DGKG: variants seen among roughly 807,000 people sequenced by gnomAD.
The protein encoded by DGKG is diacylglycerol kinase gamma.
In DGKG, 78 loss-of-function variants were observed where a neutral mutation model predicts 105.3. The ratio of observed to expected loss-of-function variants is 0.74; its 90% CI spans 0.62 to 0.89. DGKG has a LOEUF of 0.89. Among genes scored for constraint, DGKG ranks in the 40% least tolerant of loss-of-function variants. The pLI is 0.00. For synonymous variants in DGKG, 346 were observed against 367.1 expected, an observed-to-expected ratio of 0.94 and a Z score of 0.66; for missense variants, 958 against 1,020.1, an observed-to-expected ratio of 0.94 and a Z score of 0.83.
chr3:186,178,682 C>T (rs1018156168), intron 22 of DGKG, among the ~76,000 whole-genome samples: 3 of 152,186 alleles, frequency 2.0e-5, no homozygotes, highest in African/African-American at 7.2e-5. Context: ...GGAGGAGACA[C>T]AGCTGGAGTC....
chr3:186,245,519 T>C (rs6799042), intron 19 of DGKG, among the ~76,000 whole-genome samples: 7,580 of 152,296 alleles, frequency 0.05, 230 homozygotes, highest in African/African-American at 0.08. Context: ...AACCCTTTCT[T>C]GGTTATTAAG....
intron 20 of DGKG, among the ~76,000 whole-genome samples, chr3:186,215,978 C>A (rs1719268864): frequency 6.6e-6 from 1 of 151,332 alleles, no homozygotes; most frequent in South Asian, 2.1e-4. Context: ...ACAAGCAAGA[C>A]CCCTGCCCCA....
chr3:186,287,962 C>G (rs1438456549), intron 6 of DGKG, among the ~76,000 whole-genome samples: 2 of 152,184 alleles, frequency 1.3e-5, no homozygotes, highest in African/African-American at 4.8e-5. Flanking sequence ...TTAACAAGGT[C>G]CTGTCATCTC....
intron 24 of DGKG, chr3:186,160,585 G>A (rs1343915537): frequency 2.0e-6 from 2 of 985,260 alleles, no homozygotes; most frequent in African/African-American, 3.5e-5. Context: ...CAGGTTCATG[G>A]AAACCTTCCT....
chr3:186,321,218 G>A (rs1725060763), intron 1 of DGKG, among the ~76,000 whole-genome samples: 1 of 152,198 alleles, frequency 6.6e-6, no homozygotes, highest in South Asian at 2.1e-4. Context: ...TGGCCTCAAT[G>A]AGGCCGGGAA....
At chr3:186,299,446 G>C (rs1371457510) in intron 3 of DGKG, among the ~76,000 whole-genome samples, 1 of 152,174 alleles carries the variant, frequency 6.6e-6, no homozygotes, top group African/African-American at 2.4e-5. Context: ...ATAAATTTCT[G>C]TTTAGCACCA....
At chr3:186,265,447 G>A (rs1722000643) in intron 13 of DGKG, 141 bp from the exon 14 acceptor site, 1 of 732,300 alleles carries the variant, frequency 1.4e-6, no homozygotes, top group Non-Finnish European at 2.3e-6. Context: ...TTTCAACATA[G>A]GGCTTCTGAC....
chr3:186,212,893 C>T (rs900628123), intron 20 of DGKG, among the ~76,000 whole-genome samples: 7 of 152,148 alleles, frequency 4.6e-5, no homozygotes, highest in Non-Finnish European at 7.3e-5. Flanking sequence ...CCTTGCATGG[C>T]GCTAATCCTC....
intron 16 of DGKG, among the ~76,000 whole-genome samples, chr3:186,260,200 AT>A (rs1721695605): frequency 6.6e-6 from 1 of 152,198 alleles, no homozygotes; most frequent in Non-Finnish European, 1.5e-5. Context: ...CTCTTATAAA[AT>A]AACTTTTTCT....
chr3:186,155,224 G>A (rs141612236), intron 24 of DGKG, among the ~76,000 whole-genome samples: 26 of 152,144 alleles, frequency 1.7e-4, no homozygotes, highest in Non-Finnish European at 3.1e-4. Flanking sequence ...ATGGAGTCTC[G>A]CACTGTCGCC....
chr3:186,290,762 A>G (rs141276441), intron 5 of DGKG, among the ~76,000 whole-genome samples: 135 of 152,328 alleles, frequency 8.9e-4, no homozygotes, highest in African/African-American at 3.0e-3. Flanking sequence ...GTATGCACAG[A>G]GAGCTAGCTC....
chr3:186,178,526 C>A (rs1320256111), intron 22 of DGKG, among the ~76,000 whole-genome samples: 2 of 152,162 alleles, frequency 1.3e-5, no homozygotes, highest in African/African-American at 4.8e-5. Flanking sequence ...AGCAGCAAAC[C>A]TCCTGAGGCA....
intron 5 of DGKG, among the ~76,000 whole-genome samples, chr3:186,294,307 G>A (rs548357110): frequency 1.1e-4 from 17 of 152,258 alleles, no homozygotes; most frequent in Non-Finnish European, 2.2e-4. Flanking sequence ...TGGAACCTCA[G>A]TGAATGAATT....
intron 24 of DGKG, among the ~76,000 whole-genome samples, chr3:186,155,064 C>T (rs1042558410): frequency 4.6e-5 from 7 of 152,054 alleles, no homozygotes; most frequent in African/African-American, 9.7e-5. Flanking sequence ...TGGTGAAGCA[C>T]GAGAGATCAT....
chr3:186,151,818 A>G (rs1436861397), intron 24 of DGKG, among the ~76,000 whole-genome samples: 1 of 152,102 alleles, frequency 6.6e-6, no homozygotes, highest in African/African-American at 2.4e-5. Flanking sequence ...GGCTCCAGGA[A>G]CTGTAATCCC....
rs1726267220 is a variant in DGKG, at chr3:186,345,103, T to C, written c.-249+16843A>G. ...GATGTACATATTTCCATGGCCATTA[T>C]ATCTTCACTGTGAATTTGATTCTTC... is the stretch of plus-strand genomic sequence containing the variant. On this transcript the variant is annotated intron_variant, in intron 1 of 24. Transcript: ENST00000265022. 4.6e-5 allele frequency among the ~76,000 whole-genome samples: 7 copies of C among 152,212 alleles called. No homozygotes were observed. The South Asian group carries it at 1.5e-3, about 32-fold the overall frequency.
At chr3:186,319,313 G>A (rs1724968103) in intron 2 of DGKG, among the ~76,000 whole-genome samples, 1 of 152,104 alleles carries the variant, frequency 6.6e-6, no homozygotes, top group Non-Finnish European at 1.5e-5. Context: ...CCCTCCCATT[G>A]TATAGAAGAG....
chr3:186,347,677 G>A (rs1000204632), intron 1 of DGKG, among the ~76,000 whole-genome samples: 1 of 151,730 alleles, frequency 6.6e-6, no homozygotes, highest in African/African-American at 2.4e-5. Flanking sequence ...TCTGCCTCCT[G>A]GGTTCAAGTG....
At chr3:186,336,468 C>T (rs79876169) in intron 1 of DGKG, among the ~76,000 whole-genome samples, 4,266 of 152,202 alleles carry the variant, frequency 0.028, 207 homozygotes, top group African/African-American at 0.097. Flanking sequence ...GGACACTTTG[C>T]AGCCTTAAAT....
Sources: allele counts gnomAD v4.1 joint callset (sites outside exome capture counted in the v4.1 genomes callset), GRCh38; gene constraint gnomAD v4.1.1; transcripts MANE v1.5; gene names NCBI Gene and HGNC (gene_info 2026-07-23, HGNC 2026-07-21).